The following MYH9 variants were observed in gnomAD, a reference collection of about 807,000 sequenced individuals.
MYH9 encodes myosin heavy chain 9, also known as myosin-9.
MYH9 carries 29 observed loss-of-function variants against 241.9 expected under a neutral mutation model. The observed-to-expected ratio is 0.12, with a 90% CI of 0.09 to 0.16. The LOEUF is 0.16. MYH9 is among the 10% of genes least tolerant of loss of function. The pLI, the probability that MYH9 is intolerant of heterozygous loss-of-function variation, is 1.00. For missense variants in MYH9, 1,803 were observed against 2,595.5 expected (o/e 0.69, Z 6.63); for synonymous variants, 1,047 against 1,062.6 (o/e 0.99, Z 0.29).
chr22:36,297,879 C>T (rs1303494355), intron 24 of MYH9, among the ~76,000 whole-genome samples: 1 of 152,180 alleles, frequency 6.6e-6, no homozygotes, highest in South Asian at 2.1e-4. Context: ...TCTCTAACGC[C>T]GTCTACCAGT....
chr22:36,362,981 C>T (rs9607338), intron 1 of MYH9, among the ~76,000 whole-genome samples: 58,477 of 151,844 alleles, frequency 0.39, 13,994 homozygotes, highest in Non-Finnish European at 0.54. Context: ...TCTCTTATCC[C>T]CTGCTACAAC....
In MYH9 at chr22:36,305,574, C is replaced by T. The variant is rs965422054; in HGVS notation, c.2159+356G>A. On this transcript the variant is annotated intron_variant, in intron 17 of 40. Coordinates refer to ENST00000216181, the MANE Select transcript of MYH9 (RefSeq NM_002473.6). This position sits in a 1 kb window ranked among gnomAD's most constrained non-coding sequence, Gnocchi z 4.7. ...GTCTTCGCACACAGCAACGCACGGC[C>T]GTGTTTCATTTCCACAAAGTTCCTG... Among the ~76,000 whole-genome samples the T allele has an allele frequency of 6.6e-6, 1 of 152,212 alleles. No individual in the cohort carries two copies.
chr22:36,317,452 A>C (rs1301408947), intron 11 of MYH9, among the ~76,000 whole-genome samples: 2 of 152,170 alleles, frequency 1.3e-5, no homozygotes, highest in East Asian at 3.9e-4. Context: ...TGGTCAGGGA[A>C]ACGAACAGGT....
chr22:36,366,205 T>C (rs1042570162), intron 1 of MYH9, among the ~76,000 whole-genome samples: 5 of 151,944 alleles, frequency 3.3e-5, no homozygotes, highest in African/African-American at 4.8e-5. Context: ...AATAAATAAA[T>C]AAACAAACAA....
chr22:36,282,611 G>T lies in MYH9; in HGVS notation c.*57C>A. 1 of 1,523,680 alleles carries T rather than the reference G, an allele frequency of 6.6e-7. No homozygotes were observed. The highest frequency in any genetic ancestry group is 9.1e-7 in the Non-Finnish European group (1 of 1,100,676). The allele number at this position is 1,523,680 out of a possible 1,614,324, so 94.4% of individuals were successfully genotyped here. A position where few individuals can be genotyped will look rare whatever the true frequency, so the allele number is the denominator to read the frequency against. Reference sequence around the variant, plus strand: ...GGGAGAGGCGTGCTGCGGGGTCTGGGAAGGGGAGGCTGTGGTGTCTGTCTG... The same window carrying T: ...GGGAGAGGCGTGCTGCGGGGTCTGGTAAGGGGAGGCTGTGGTGTCTGTCTG... On this transcript the variant is annotated 3_prime_UTR_variant, in exon 41 of 41. Coordinates refer to ENST00000216181, the MANE Select transcript of MYH9 (RefSeq NM_002473.6).
chr22:36,314,647 T>A (rs4820233), intron 12 of MYH9, among the ~76,000 whole-genome samples: 83,105 of 151,834 alleles, frequency 0.55, 24,728 homozygotes, highest in Non-Finnish European at 0.68. Flanking sequence ...ATTGTTTTTT[T>A]TTTTTATTTT....
At position 36,293,278 on chromosome 22, in the gene MYH9, C is replaced by A; in HGVS notation, c.4095+51G>T. On this transcript the variant is annotated intron_variant, in intron 30 of 40. Coordinates refer to ENST00000216181, the MANE Select transcript of MYH9 (RefSeq NM_002473.6). This position sits in a 1 kb window ranked among gnomAD's most constrained non-coding sequence, Gnocchi z 5.1. Reference sequence around the variant, plus strand: ...CTGCAGTGCCCAGGCCAGTGCCCGGCCAGCAGCTCCCCAGCCTGCAGAGTC... The same window carrying A: ...CTGCAGTGCCCAGGCCAGTGCCCGGACAGCAGCTCCCCAGCCTGCAGAGTC... The A allele has an allele frequency of 6.2e-7, 1 of 1,611,444 alleles. No individual in the cohort carries two copies. Among genetic ancestry groups the A allele is most frequent in the East Asian group, 2.2e-5 (1 of 44,850 alleles).
Position 36,312,272 on chromosome 22 carries a change from C to A in MYH9, c.1555-50G>T, listed in dbSNP as rs200106173. On this transcript the variant is annotated intron_variant, in intron 13 of 40. Transcript: ENST00000216181. Reference sequence around the variant, plus strand: ...AGGTGAGTGCACCCTGGGAGGGGCACCCCACCCTTCAAGAAGCCAAAGCCC... The same window carrying A: ...AGGTGAGTGCACCCTGGGAGGGGCAACCCACCCTTCAAGAAGCCAAAGCCC... 128 of 1,598,398 alleles carry A rather than the reference C, an allele frequency of 8.0e-5. 1 individual carries two copies. In the Middle Eastern group the frequency reaches 1.3e-3, roughly 17 times the overall value.
chr22:36,350,478 G>C (rs368094164), intron 1 of MYH9, among the ~76,000 whole-genome samples: 8 of 152,164 alleles, frequency 5.3e-5, no homozygotes, highest in Non-Finnish European at 4.4e-5. Flanking sequence ...CGGGGGTTGT[G>C]GTGAGCCGAG....
At chr22:36,316,739 A>T in intron 11 of MYH9, 70 bp from the exon 12 acceptor site, 3 of 1,590,672 alleles carry the variant, frequency 1.9e-6, no homozygotes, top group Non-Finnish European at 2.6e-6. Context: ...CCTATGCCCC[A>T]GTAATTTCAC....
intron 2 of MYH9, among the ~76,000 whole-genome samples, chr22:36,343,742 C>T (rs965063988): frequency 2.0e-5 from 3 of 152,088 alleles, no homozygotes; most frequent in African/African-American, 4.8e-5. Flanking sequence ...TGGCAACCTG[C>T]GGGCCCAGGC....
rs765280741 is a variant in MYH9, at chr22:36,288,853, C to T, written c.4644G>A (p.Leu1548=). 1.9e-6 allele frequency: 3 copies of T among 1,614,046 alleles called. No individual in the cohort carries two copies. The highest frequency in any genetic ancestry group is 2.5e-6 in the Non-Finnish European group (3 of 1,180,034). ...GCAGCTTGGCATCTTCGGTGGCCTG[C>T]AGCTCGTCCTCCAGCTCTTCCAGCT... is the stretch of plus-strand genomic sequence containing the variant. ...KTQLEELEDE[L]QATEDAKLRL... The change falls in exon 33 of 41, where the codon CTG becomes CTA. Residue 1548 remains leucine (L), a synonymous_variant. Transcript: ENST00000216181. The surrounding 1 kb of genome is among the most constrained non-coding windows in gnomAD (Gnocchi z 4.8).
rs2016862658 is a variant in MYH9, at chr22:36,300,693, C to A, written c.2838+158G>T. Among the ~76,000 whole-genome samples the A allele has an allele frequency of 6.6e-6, 1 of 152,172 alleles. No individual in the cohort carries two copies. ...AGATGCACATGTCACAAACTACCAG[C>A]CCAAAGGGAACACCTCTCACTGAGA... On this transcript the variant is annotated intron_variant, in intron 22 of 40. Transcript: ENST00000216181. This position sits in a 1 kb window ranked among gnomAD's most constrained non-coding sequence, Gnocchi z 5.0.
intron 31 of MYH9, among the ~76,000 whole-genome samples, chr22:36,290,225 G>T (rs1014489833): frequency 1.3e-5 from 2 of 151,670 alleles, no homozygotes; most frequent in Non-Finnish European, 2.9e-5. Context: ...AGCTGGGTGT[G>T]GTGGTGGTGC....
At chr22:36,367,008 C>T (rs1236915012) in intron 1 of MYH9, among the ~76,000 whole-genome samples, 1 of 152,192 alleles carries the variant, frequency 6.6e-6, no homozygotes, top group African/African-American at 2.4e-5. Context: ...CCTTTGAGAA[C>T]TTGTGAGAGG....
rs953302655 is a variant in MYH9, at chr22:36,301,123, C to T, written c.2632-66G>A. 54 of 1,484,496 alleles carry T rather than the reference C, an allele frequency of 3.6e-5. No individual in the cohort carries two copies. In the African/African-American group the frequency reaches 4.4e-4, roughly 12 times the overall value. The allele number at this position is 1,484,496 out of a possible 1,614,324, so 92.0% of individuals were successfully genotyped here. A position where few individuals can be genotyped will look rare whatever the true frequency, so the allele number is the denominator to read the frequency against. ...CCTCAAGCCACTCCATCCTCAAGGA[C>T]GGACGCCATGGCTCGGGATCCCAGA... On this transcript the variant is annotated intron_variant, in intron 21 of 40. Coordinates refer to ENST00000216181, the MANE Select transcript of MYH9 (RefSeq NM_002473.6).
At chr22:36,304,202 G>T (rs768881542) in intron 18 of MYH9, 47 bp from the exon 19 acceptor site, 8 of 1,603,620 alleles carry the variant, frequency 5.0e-6, no homozygotes, top group Non-Finnish European at 6.0e-6. Flanking sequence ...ACTGGCCACA[G>T]CTCCATGAAA....
intron 1 of MYH9, among the ~76,000 whole-genome samples, chr22:36,351,682 T>C (rs2017767334): frequency 6.6e-6 from 1 of 151,924 alleles, no homozygotes; most frequent in African/African-American, 2.4e-5. Flanking sequence ...CCTGCCCTGC[T>C]CAAGACCTTG....
chr22:36,385,608 A>G (rs1316101787), intron 1 of MYH9, among the ~76,000 whole-genome samples: 2 of 151,828 alleles, frequency 1.3e-5, no homozygotes, highest in Non-Finnish European at 2.9e-5. Flanking sequence ...CCTCTCCTCT[A>G]CCCTCCTGAA....
Sources: allele counts gnomAD v4.1 joint callset (sites outside exome capture counted in the v4.1 genomes callset), GRCh38; gene constraint gnomAD v4.1.1; non-coding constraint Gnocchi (gnomAD v3.1); transcripts MANE v1.5; gene names NCBI Gene and HGNC (gene_info 2026-07-23, HGNC 2026-07-21).